Variants in FYTTD1 observed in about 807,000 individuals in gnomAD.
FYTTD1 encodes the protein forty-two-three domain containing 1.
Under a neutral mutation model 40.9 loss-of-function variants are expected in FYTTD1, and 22 were observed. The observed-to-expected ratio is 0.54, with a 90% CI of 0.38 to 0.77. FYTTD1 has a LOEUF of 0.77. FYTTD1 is among the 30% of genes least tolerant of loss of function. The pLI, the probability that FYTTD1 is intolerant of heterozygous loss-of-function variation, is 0.00. For missense variants in FYTTD1, 351 were observed against 392.2 expected, an observed-to-expected ratio of 0.90 and a Z score of 0.89; for synonymous variants, 140 against 137.9, an observed-to-expected ratio of 1.01 and a Z score of -0.10.
chr3:197,770,312 G>A (rs1729680872), intron 4 of FYTTD1, 68 bp downstream of exon 4: 2 of 977,570 alleles, frequency 2.0e-6, no homozygotes, highest in Admixed American at 2.3e-5. Context: ...GTGGTGTGAA[G>A]AATGGATTTG....
Position 197,786,679 on chromosome 3 carries a change from T to G in FYTTD1, c.*4770T>G, listed in dbSNP as rs1730161487. 1.3e-5 allele frequency: 2 copies of G among 152,342 alleles called. No homozygotes were observed. The highest frequency in any genetic ancestry group is 4.8e-5 in the African/African-American group (2 of 41,570). The allele number at this position is 152,342 out of a possible 1,614,324, so 9.4% of individuals were successfully genotyped here. On this transcript the variant is annotated 3_prime_UTR_variant, in exon 9 of 9. Transcript: ENST00000241502. ...TTATTAGGACTTGTTTTTAAAGGAG[T>G]AAGCAATGGAAGGATCAAACATTTA...
intron 2 of FYTTD1, among the ~76,000 whole-genome samples, chr3:197,760,557 A>C (rs1420349215): frequency 1.3e-5 from 2 of 151,726 alleles, no homozygotes; most frequent in African/African-American, 4.9e-5. Flanking sequence ...GGTAGAATTT[A>C]TAGAGTGTTT....
rs1397392417 is a variant in FYTTD1, at chr3:197,753,550, G to C, written c.104-2876G>C. On this transcript the variant is annotated intron_variant, in intron 1 of 8. Coordinates refer to ENST00000241502, the MANE Select transcript of FYTTD1 (RefSeq NM_032288.7). ...GGAATTTTTTTTTTTTTTTAATTCT[G>C]ATACCTGTGTATCTATTCATTGGGC... Among the ~76,000 whole-genome samples, 5 of 148,208 alleles carry C rather than the reference G, an allele frequency of 3.4e-5. No individual in the cohort carries two copies. In the East Asian group the frequency reaches 7.9e-4, roughly 23 times the overall value.
At chr3:197,771,183 C>T (rs1729704882) in intron 4 of FYTTD1, among the ~76,000 whole-genome samples, 1 of 151,910 alleles carries the variant, frequency 6.6e-6, no homozygotes, top group Non-Finnish European at 1.5e-5. Context: ...ATAGTGAGAC[C>T]CCCATCTCTG....
intron 2 of FYTTD1, among the ~76,000 whole-genome samples, chr3:197,763,960 C>T (rs1729465605): frequency 6.6e-6 from 1 of 152,190 alleles, no homozygotes; most frequent in South Asian, 2.1e-4. Flanking sequence ...TCTGGCGGTA[C>T]TTTATTTCTA....
chr3:197,774,611 T>C (rs1396900527), intron 6 of FYTTD1, among the ~76,000 whole-genome samples: 1 of 151,852 alleles, frequency 6.6e-6, no homozygotes, highest in Non-Finnish European at 1.5e-5. Context: ...CACACCAGCC[T>C]GAGCAGCATA....
intron 1 of FYTTD1, chr3:197,750,382 G>A: frequency 1.8e-6 from 2 of 1,096,374 alleles, no homozygotes; most frequent in Middle Eastern, 4.0e-4. Flanking sequence ...CTTCTCCCCG[G>A]AGGGGCTACG....
rs1473089254 is a variant in FYTTD1, at chr3:197,784,428, C to T, written c.*2519C>T. Reference sequence around the variant, plus strand: ...TTATCTACTAGCAAAATTGGTAAATCACTGTAGACTCTTCTATTAGCATCC... The same window carrying T: ...TTATCTACTAGCAAAATTGGTAAATTACTGTAGACTCTTCTATTAGCATCC... On this transcript the variant is annotated 3_prime_UTR_variant, in exon 9 of 9. Transcript: ENST00000241502. 1.3e-5 allele frequency: 2 copies of T among 152,146 alleles called. No homozygotes were observed. The highest frequency in any genetic ancestry group is 2.9e-5 in the Non-Finnish European group (2 of 68,020). 9.4% of individuals were successfully genotyped at this position (152,146 alleles called of 1,614,324 possible). A position where few individuals can be genotyped will look rare whatever the true frequency, so the allele number is the denominator to read the frequency against.
In FYTTD1 at chr3:197,760,910, T is replaced by C. The variant is rs1221276070; in HGVS notation, c.235+4353T>C. The stretch of plus-strand genomic sequence containing the variant: ...AATGTATAGAGTTGTTCCTCAGTGG[T>C]AGAACTTATGGAGTGTTCTTCAGTG... On this transcript the variant is annotated intron_variant, in intron 2 of 8. Transcript: ENST00000241502. Among the ~76,000 whole-genome samples, 3 of 146,462 alleles carry C rather than the reference T, an allele frequency of 2.0e-5. No homozygotes were observed. In the South Asian group the frequency reaches 6.4e-4, roughly 31 times the overall value.
At position 197,784,449 on chromosome 3, in the gene FYTTD1, C is replaced by G. The variant is rs1730109228; in HGVS notation, c.*2540C>G. On this transcript the variant is annotated 3_prime_UTR_variant, in exon 9 of 9. Coordinates refer to ENST00000241502, the MANE Select transcript of FYTTD1 (RefSeq NM_032288.7). ...AAATCACTGTAGACTCTTCTATTAGCATCCCTCTCTCTTTTGATGATTTCA... is the reference window on the plus strand; with the variant it reads ...AAATCACTGTAGACTCTTCTATTAGGATCCCTCTCTCTTTTGATGATTTCA... 1 of 152,192 alleles carries G rather than the reference C, an allele frequency of 6.6e-6. No individual in the cohort carries two copies. 9.4% of individuals were successfully genotyped at this position (152,192 alleles called of 1,614,324 possible). A position where few individuals can be genotyped will look rare whatever the true frequency, so the allele number is the denominator to read the frequency against.
At chr3:197,759,130 TTCAGTGGTAGAATGTATAGAGTTGTTCC>T (rs1560493459) in intron 2 of FYTTD1, among the ~76,000 whole-genome samples, 8 of 151,848 alleles carry the variant, frequency 5.3e-5, no homozygotes, top group East Asian at 1.9e-4. Context: ...TAGAGTGTTC[TTCAGTGGTAGAATGTATAGAGTTGTTCC>T]TCAGTGGTAG....
chr3:197,776,941 C>G lies in FYTTD1; in HGVS notation c.671C>G (p.Thr224Ser), dbSNP rs1480907275. The change falls in exon 7 of 9, where the codon ACC (threonine) becomes AGC (serine). Residue 224 changes from threonine to serine, a missense_variant. Physicochemically the swap from Thr to Ser is moderately conservative, Grantham distance 58 (BLOSUM62 1). Transcript: ENST00000241502. ...TTTGAAACTAGATGGCGGACTTCCA[C>G]CACAAATGGAGGGATTTTGACTGTA... ...AKRTRQWRTS[T>S]TNGGILTVSI... is the part of the protein sequence containing the mutation. The G allele has an allele frequency of 1.9e-6, 3 of 1,608,802 alleles. No homozygotes were observed. The Admixed American group carries it at 5.0e-5, about 27-fold the overall frequency.
intron 4 of FYTTD1, among the ~76,000 whole-genome samples, chr3:197,772,928 C>T (rs1729760424): frequency 6.6e-6 from 1 of 152,128 alleles, no homozygotes; most frequent in Non-Finnish European, 1.5e-5. Flanking sequence ...TATGTTAATA[C>T]ATAATGGTTT....
Position 197,778,373 on chromosome 3 carries a change from C to A in FYTTD1, c.767C>A (p.Pro256His). ...CCACGATTAACTCGTACTGCTGTAC[C>A]TTCATTTTTAACAAAGCGGGAGCAA... ...QKPRLTRTAV[P>H]SFLTKREQSD... is the part of the protein sequence containing the mutation. Residue 256 changes from proline (P) to histidine (H), a missense_variant, in exon 8 of 9, where the codon CCT becomes CAT. Physicochemically the swap from Pro to His is moderately conservative, Grantham distance 77. Transcript: ENST00000241502. The A allele has an allele frequency of 1.2e-6, 2 of 1,611,690 alleles. No homozygotes were observed. The highest frequency in any genetic ancestry group is 1.7e-6 in the Non-Finnish European group (2 of 1,178,398).
In FYTTD1 at chr3:197,778,465, G is replaced by T; in HGVS notation, c.858+1G>T. 1.3e-6 allele frequency: 2 copies of T among 1,589,154 alleles called. No homozygotes were observed. Among genetic ancestry groups the T allele is most frequent in the Non-Finnish European group, 1.7e-6 (2 of 1,166,696 alleles). On this transcript the variant is annotated splice_donor_variant, in intron 8 of 8. Coordinates refer to ENST00000241502, the MANE Select transcript of FYTTD1 (RefSeq NM_032288.7). LOFTEE classifies it high-confidence loss of function. ...TGACATAAACAGTGTCGGAAAACAG[G>T]TAAAAAAACGTTTTCTGTATTTTCT...
intron 7 of FYTTD1, among the ~76,000 whole-genome samples, 198 bp downstream of exon 7, chr3:197,777,199 T>G (rs2109054028): frequency 6.6e-6 from 1 of 152,336 alleles, no homozygotes; most frequent in South Asian, 2.1e-4. Context: ...TCTGCAGCCC[T>G]AAATGACCAC....
intron 1 of FYTTD1, among the ~76,000 whole-genome samples, chr3:197,755,276 T>C (rs1245829063): frequency 6.6e-6 from 1 of 152,232 alleles, no homozygotes; most frequent in African/African-American, 2.4e-5. Flanking sequence ...TTTAAACTTA[T>C]TTAGAAAAGG....
chr3:197,760,790 C>T (rs969049526), intron 2 of FYTTD1, among the ~76,000 whole-genome samples: 5 of 150,932 alleles, frequency 3.3e-5, no homozygotes, highest in South Asian at 2.1e-4. Flanking sequence ...TGGAGTTGTT[C>T]CTCAGTGGTA....
chr3:197,751,912 C>T (rs1301859000), intron 1 of FYTTD1, among the ~76,000 whole-genome samples: 5 of 152,078 alleles, frequency 3.3e-5, no homozygotes, highest in African/African-American at 1.2e-4. Context: ...GGCTCTGTCG[C>T]CCAGGTTGGA....
Sources: gnomAD v4.1 joint callset for allele counts (sites outside exome capture counted in the v4.1 genomes callset) on GRCh38, gnomAD v4.1.1 for gene constraint, MANE v1.5 for transcripts, NCBI Gene and HGNC (gene_info 2026-07-23, HGNC 2026-07-21) for gene names.